Variants in FRMPD3 observed in about 807,000 individuals in gnomAD.
The protein encoded by FRMPD3 is FERM and PDZ domain containing 3.
In FRMPD3, 42 loss-of-function variants were observed where a neutral mutation model predicts 97.9. That is an observed-to-expected ratio of 0.43 (90% confidence interval 0.34 to 0.55). The LOEUF is 0.55. Among genes scored for constraint, FRMPD3 ranks in the 20% least tolerant of loss-of-function variants. The pLI is 0.03. For synonymous variants in FRMPD3, 577 were observed against 581.1 expected (o/e 0.99, Z 0.10); for missense variants, 1,303 against 1,457.7 (o/e 0.89, Z 1.73).
intron 1 of FRMPD3, among the ~76,000 whole-genome samples, chrX:107,519,839 A>T (rs1365117793): frequency 9.0e-6 from 1 of 111,714 alleles, no homozygotes; most frequent in African/African-American, 3.3e-5. Flanking sequence ...AACAAAGCAA[A>T]ACCAAAAACC....
rs1032269427 is a variant in FRMPD3 at position 107,563,120 on chromosome X, A to G, written c.1036A>G (p.Ile346Val). 14 of 1,207,064 alleles carry G rather than the reference A, an allele frequency of 1.2e-5. No homozygotes were observed. Among genetic ancestry groups the G allele is most frequent in the Non-Finnish European group, 1.6e-5 (14 of 893,589 alleles). The change falls in exon 11 of 15, where the codon ATT becomes GTT. Residue 346 changes from isoleucine to valine, a missense_variant. This residue lies in a region of FRMPD3 where 535 missense variants were observed against 618.6 expected (regional missense o/e 0.86). Transcript: ENST00000683843. ...ATGGGTTTTTCCACAGGGCTCTGCA[A>G]TTCAGGCAAAGCTCCAGTATCTACG... ...HPSCGTKGSA[I>V]QAKLQYLRIL...
intron 1 of FRMPD3, among the ~76,000 whole-genome samples, chrX:107,516,740 A>G (rs1922346370): frequency 9.5e-6 from 1 of 105,713 alleles, no homozygotes; most frequent in Non-Finnish European, 1.9e-5. Flanking sequence ...TTTTTCTTGT[A>G]AATTTGTTTG....
rs771519680 is a variant in FRMPD3, at chrX:107,600,793, A to G, written c.2754A>G (p.Thr918=). The G allele has an allele frequency of 1.2e-5, 15 of 1,208,156 alleles. No homozygotes were observed. The Middle Eastern group carries it at 2.8e-3, about 222-fold the overall frequency. Residue 918 remains threonine, a synonymous_variant, in exon 15 of 15, where the codon ACA becomes ACG. Coordinates refer to ENST00000683843, the MANE Select transcript of FRMPD3 (RefSeq NM_001388459.1). ...AGLEMSLRAA[T]SSLSEEQVSE... ...TAGAAATGTCACTGAGGGCAGCCAC[A>G]TCATCCCTCAGTGAAGAGCAGGTCT...
intron 1 of FRMPD3, among the ~76,000 whole-genome samples, chrX:107,480,824 CAAAA>C (rs59051211): frequency 9.7e-5 from 3 of 30,931 alleles, no homozygotes; most frequent in Non-Finnish European, 1.2e-4. Flanking sequence ...GAAACTCCGT[CAAAA>C]AAAAAAAAAA....
chrX:107,461,850 T>C (rs1931481270), intron 1 of FRMPD3, among the ~76,000 whole-genome samples: 1 of 109,357 alleles, frequency 9.1e-6, no homozygotes, highest in African/African-American at 3.3e-5. Context: ...TCTGTGTGTA[T>C]CCCTCTGCCC....
chrX:107,538,062 G>A (rs917746427), intron 4 of FRMPD3, among the ~76,000 whole-genome samples: 7 of 111,592 alleles, frequency 6.3e-5, no homozygotes, highest in Non-Finnish European at 1.1e-4. Context: ...CCAGTTGGAC[G>A]GGGTTTGAAT....
chrX:107,554,470 G>C lies in FRMPD3; in HGVS notation c.728G>C (p.Arg243Pro). The C allele has an allele frequency of 8.3e-7, 1 of 1,209,854 alleles. No homozygotes were observed. Among genetic ancestry groups the C allele is most frequent in the Non-Finnish European group, 1.1e-6 (1 of 894,907 alleles). Residue 243 changes from arginine (R) to proline (P), a missense_variant, in exon 8 of 15, where the codon CGG becomes CCG. Around this residue, in one of 3 missense-constraint regions of FRMPD3, gnomAD observed 535 missense variants for 618.6 expected, o/e 0.86. Coordinates refer to ENST00000683843, the MANE Select transcript of FRMPD3 (RefSeq NM_001388459.1). ...FPKDPVELLRRDPAAFEYLYI... is the reference protein window; with the variant it reads ...FPKDPVELLRPDPAAFEYLYI... ...AAAGACCCTGTGGAGCTGCTGCGTCGGGATCCTGCTGCTTTTGAGTACCTA... is the reference window on the plus strand; with the variant it reads ...AAAGACCCTGTGGAGCTGCTGCGTCCGGATCCTGCTGCTTTTGAGTACCTA...
At chrX:107,480,869 AAGG>A (rs1365727212) in intron 1 of FRMPD3, among the ~76,000 whole-genome samples, 5 of 44,120 alleles carry the variant, frequency 1.1e-4, no homozygotes, top group African/African-American at 4.2e-4. Flanking sequence ...GAAAGAAAGA[AAGG>A]AAGGAAGGAA....
intron 1 of FRMPD3, among the ~76,000 whole-genome samples, chrX:107,471,255 C>CCCTT (rs747812403): frequency 1.0e-4 from 11 of 108,497 alleles, no homozygotes; most frequent in Admixed American, 4.9e-4. Context: ...CCTCTTCTTT[C>CCCTT]CCTTCCTTCC....
chrX:107,456,900 G>A (rs776762201), intron 1 of FRMPD3, among the ~76,000 whole-genome samples: 1 of 111,571 alleles, frequency 9.0e-6, no homozygotes, highest in African/African-American at 3.3e-5. Context: ...TTTTTTTCTC[G>A]CTTTGGCATA....
chrX:107,468,383 T>C (rs1226724835), intron 1 of FRMPD3, among the ~76,000 whole-genome samples: 1 of 112,444 alleles, frequency 8.9e-6, no homozygotes, highest in Non-Finnish European at 1.9e-5. Context: ...TGTGCCAGGC[T>C]CTGTTCTAGA....
chrX:107,539,423 C>G (rs1396720228), intron 4 of FRMPD3, among the ~76,000 whole-genome samples: 1 of 112,114 alleles, frequency 8.9e-6, no homozygotes, highest in Non-Finnish European at 1.9e-5. Context: ...ACAGTAGGCA[C>G]TCAGTAAATA....
chrX:107,603,232 GCAGCAGCAACAACAA>G lies in FRMPD3; in HGVS notation c.5202_5216del (p.Gln1739_Gln1743del). 8.6e-7 allele frequency: 1 copy of G among 1,168,058 alleles called. No homozygotes were observed. Among genetic ancestry groups the G allele is most frequent in the Non-Finnish European group, 1.1e-6 (1 of 873,162 alleles). On this transcript the variant is annotated inframe_deletion, in exon 15 of 15. Coordinates refer to ENST00000683843, the MANE Select transcript of FRMPD3 (RefSeq NM_001388459.1). ...AACAGCAGCAGCAGCAACAACAACA[GCAGCAGCAACAACAA>G]CAGCAGCAGCAGCAGCAGCAGGTGG...
At chrX:107,506,448 C>T (rs752761831) in intron 1 of FRMPD3, among the ~76,000 whole-genome samples, 1 of 112,924 alleles carries the variant, frequency 8.9e-6, no homozygotes, top group African/African-American at 3.2e-5. Context: ...ATCAGTCCCA[C>T]CACATATTAT....
At chrX:107,522,528 A>G (rs1384528509) in intron 1 of FRMPD3, 1 of 511,977 alleles carries the variant, frequency 2.0e-6, no homozygotes, top group Non-Finnish European at 3.5e-6. Flanking sequence ...GGGTCCTAGC[A>G]TAGAGATGTG....
In FRMPD3 at chrX:107,603,080, C is replaced by T. The variant is rs373878659; in HGVS notation, c.5041C>T (p.Arg1681Cys). The T allele has an allele frequency of 2.2e-5, 27 of 1,209,047 alleles. No homozygotes were observed. Among genetic ancestry groups the T allele is most frequent in the South Asian group, 3.5e-5 (2 of 56,796 alleles). Residue 1681 changes from arginine (R) to cysteine (C), a missense_variant, in exon 15 of 15, where the codon CGC becomes TGC. Physicochemically the swap from Arg to Cys is radical, Grantham distance 180 (BLOSUM62 -3). This residue lies in a region of FRMPD3 where 764 missense variants were observed against 820.2 expected (regional missense o/e 0.93). Transcript: ENST00000683843. ...ETFVRLVFIV[R>C]SEAQRQELLA... Reference sequence around the variant, plus strand: ...CTTCGTGCGGCTGGTGTTCATTGTGCGCTCCGAGGCCCAGCGCCAAGAGCT... The same window carrying T: ...CTTCGTGCGGCTGGTGTTCATTGTGTGCTCCGAGGCCCAGCGCCAAGAGCT...
At chrX:107,590,873 C>T (rs970966172) in intron 13 of FRMPD3, among the ~76,000 whole-genome samples, 1 of 112,123 alleles carries the variant, frequency 8.9e-6, no homozygotes, top group Non-Finnish European at 1.9e-5. Context: ...ACATCTTTGT[C>T]TGGTTTTGGT....
intron 3 of FRMPD3, among the ~76,000 whole-genome samples, chrX:107,531,124 A>G (rs1251382359): frequency 9.1e-6 from 1 of 109,301 alleles, no homozygotes; most frequent in Admixed American, 9.8e-5. Flanking sequence ...ACACACACAC[A>G]CACACACACA....
intron 5 of FRMPD3, among the ~76,000 whole-genome samples, chrX:107,546,974 C>T: frequency 8.9e-6 from 1 of 111,935 alleles, no homozygotes; most frequent in Middle Eastern, 4.6e-3. Flanking sequence ...TCAGTCTATG[C>T]CCTCCTCCAT....
Sources: gnomAD v4.1 joint callset for allele counts (sites outside exome capture counted in the v4.1 genomes callset) on GRCh38, gnomAD v4.1.1 for gene constraint, gnomAD v4.1.1 regional missense constraint, MANE v1.5 for transcripts, NCBI Gene and HGNC (gene_info 2026-07-23, HGNC 2026-07-21) for gene names.